The following SLC12A5 variants were observed in gnomAD, a reference collection of about 807,000 sequenced individuals.
SLC12A5 encodes K-Cl cotransporter 2.
In SLC12A5, 18 loss-of-function variants were observed where a neutral mutation model predicts 124.0. The ratio of observed to expected loss-of-function variants is 0.15; its 90% CI spans 0.10 to 0.22. SLC12A5 has a LOEUF of 0.22. Ranked by LOEUF, SLC12A5 falls within the 10% of genes least tolerant of loss-of-function variation. The pLI is 1.00. For synonymous variants in SLC12A5, 589 were observed against 568.0 expected, an observed-to-expected ratio of 1.04 and a Z score of -0.53; for missense variants, 867 against 1,478.7, an observed-to-expected ratio of 0.59 and a Z score of 6.78.
rs2084561893 is a variant in SLC12A5 at position 46,043,067 on chromosome 20, G to T, written c.1067-86G>T. On this transcript the variant is annotated intron_variant, in intron 8 of 25. Transcript: ENST00000243964. ...GTGAGATGGGGTTGATCTTGACCCT[G>T]ACTTTTTGCCCCCTCCCACCTCCTG... 4 of 1,356,812 alleles carry T rather than the reference G, an allele frequency of 2.9e-6. No homozygotes were observed. The South Asian group carries it at 5.2e-5, about 18-fold the overall frequency. 84.0% of individuals were successfully genotyped at this position (1,356,812 alleles called of 1,614,324 possible).
chr20:46,031,563 G>A (rs2084449489), intron 1 of SLC12A5, among the ~76,000 whole-genome samples: 1 of 152,202 alleles, frequency 6.6e-6, no homozygotes, highest in Admixed American at 6.5e-5. Context: ...GAGCAAGAGG[G>A]CACTTCTGGA....
In SLC12A5 at chr20:46,053,118, C is replaced by T; in HGVS notation, c.2539C>T (p.His847Tyr). The change falls in exon 19 of 26, where the codon CAC becomes TAC. Residue 847 changes from histidine (H) to tyrosine (Y), a missense_variant. Physicochemically the swap from His to Tyr is moderately conservative, Grantham distance 83. Around this residue, in one of 9 missense-constraint regions of SLC12A5, gnomAD observed 70 missense variants for 157.2 expected, o/e 0.45. Transcript: ENST00000243964. The surrounding 1 kb of genome is among the most constrained non-coding windows in gnomAD (Gnocchi z 4.7). ...MLMLLPFLLR[H>Y]HKVWRKCKMR... ...CATGCTGCTGCCCTTCCTGCTGCGG[C>T]ACCACAAGGTGAGTTGTGTGCGTGA... is the stretch of plus-strand genomic sequence containing the variant. The T allele has an allele frequency of 6.2e-7, 1 of 1,609,758 alleles. No homozygotes were observed. Among genetic ancestry groups the T allele is most frequent in the Non-Finnish European group, 8.5e-7 (1 of 1,176,324 alleles).
At chr20:46,046,949 G>A (rs940073402) in intron 14 of SLC12A5, among the ~76,000 whole-genome samples, 2 of 152,296 alleles carry the variant, frequency 1.3e-5, no homozygotes, top group Non-Finnish European at 2.9e-5. Context: ...ATAGGCCCTC[G>A]GGGGCAGACA....
intron 4 of SLC12A5, chr20:46,036,220 A>G: frequency 3.0e-6 from 1 of 334,396 alleles, no homozygotes; most frequent in East Asian, 4.8e-5. Flanking sequence ...TAATCTTACA[A>G]TAGTTAACAT....
chr20:46,056,849 ACT>A lies in SLC12A5; in HGVS notation c.3111-45_3111-44del. On this transcript the variant is annotated intron_variant, in intron 23 of 25. Coordinates refer to ENST00000243964, the MANE Select transcript of SLC12A5 (RefSeq NM_020708.5). The surrounding 1 kb of genome is among the most constrained non-coding windows in gnomAD (Gnocchi z 4.3). ...CCCCCAGTGTCTTCCTCTTTTTCTG[ACT>A]CTGCTCTTTTTCTTTCTCTCTTTGC... The A allele has an allele frequency of 6.3e-7, 1 of 1,592,716 alleles. No homozygotes were observed. The highest frequency in any genetic ancestry group is 8.6e-7 in the Non-Finnish European group (1 of 1,161,510).
chr20:46,043,561 G>A (rs1294940225), intron 9 of SLC12A5, 72 bp from the exon 10 acceptor site: 28 of 1,487,810 alleles, frequency 1.9e-5, no homozygotes, highest in Non-Finnish European at 2.4e-5. Flanking sequence ...CCTGAGGGTG[G>A]TGCCCTTTTT....
In SLC12A5 at chr20:46,037,285, C is replaced by G; in HGVS notation, c.512C>G (p.Ser171Cys). 6.2e-7 allele frequency: 1 copy of G among 1,610,480 alleles called. No homozygotes were observed. The highest frequency in any genetic ancestry group is 8.5e-7 in the Non-Finnish European group (1 of 1,178,226). ...AGGSYYMISR[S>C]LGPEFGGAVG... ...GGCTCCTACTACATGATTTCCAGGT[C>G]TCTGGGCCCAGAGTTTGGGGGTGCC... The change falls in exon 6 of 26, where the codon TCT (serine) becomes TGT (cysteine). Residue 171 changes from serine (S) to cysteine (C), a missense_variant. Ser to Cys is a moderately radical substitution (Grantham distance 112). Coordinates refer to ENST00000243964, the MANE Select transcript of SLC12A5 (RefSeq NM_020708.5).
chr20:46,028,274 G>C (rs892415986), upstream of SLC12A5, among the ~76,000 whole-genome samples: 4 of 152,128 alleles, frequency 2.6e-5, no homozygotes, highest in Non-Finnish European at 5.9e-5. Flanking sequence ...GCCTCATTCC[G>C]CCCTCCCCCA....
chr20:46,039,816 A>C (rs903630138), intron 6 of SLC12A5, among the ~76,000 whole-genome samples: 14 of 151,998 alleles, frequency 9.2e-5, no homozygotes, highest in Admixed American at 9.2e-4. Context: ...TAAAAAACCA[A>C]CAACAACAAT....
At chr20:46,027,149 A>C (rs1200842592), upstream of SLC12A5, among the ~76,000 whole-genome samples, 4 of 152,270 alleles carry the variant, frequency 2.6e-5, no homozygotes, top group Non-Finnish European at 2.9e-5. Context: ...CATGCTTAAA[A>C]ATTTTTGAAC....
Position 46,058,591 on chromosome 20 carries a change from C to A in SLC12A5, c.*986C>A. ...GAGGCCCGCGCCCCACCGAGGAAGC[C>A]CCGCCCCGGTGCCTTCGCTGGGGAG... On this transcript the variant is annotated 3_prime_UTR_variant, in exon 26 of 26. Transcript: ENST00000243964. The surrounding 1 kb of genome is among the most constrained non-coding windows in gnomAD (Gnocchi z 5.8). 3 of 399,226 alleles carry A rather than the reference C, an allele frequency of 7.5e-6. No individual in the cohort carries two copies. Among genetic ancestry groups the A allele is most frequent in the African/African-American group, 2.1e-5 (1 of 48,754 alleles). 24.7% of individuals were successfully genotyped at this position (399,226 alleles called of 1,614,324 possible).
At chr20:46,025,978 C>T (rs879688621), upstream of SLC12A5, among the ~76,000 whole-genome samples, 23 of 152,120 alleles carry the variant, frequency 1.5e-4, no homozygotes, top group Admixed American at 1.4e-3. Flanking sequence ...GGACCCAGTC[C>T]GGTGGCTCTA....
chr20:46,041,586 T>G, intron 8 of SLC12A5, 46 bp downstream of exon 8: 1 of 1,603,696 alleles, frequency 6.2e-7, no homozygotes, highest in African/African-American at 1.3e-5. Flanking sequence ...GCTGCAGGGA[T>G]TGTAGGTTAA....
chr20:46,054,924 C>A lies in SLC12A5; in HGVS notation c.2688C>A (p.Ser896Arg). ...CCTCTGTCTGCCCACAGCATGAGAG[C>A]GACATCTCAGCTTACACCTATGAGA... is the stretch of plus-strand genomic sequence containing the variant. Reference protein sequence around the residue: ...AEVEVVEMHESDISAYTYEKT... With the variant: ...AEVEVVEMHERDISAYTYEKT... The change falls in exon 21 of 26, where the codon AGC (serine) becomes AGA (arginine). Residue 896 changes from serine (S) to arginine (R), a missense_variant. Ser to Arg is a moderately radical substitution (Grantham distance 110). Transcript: ENST00000243964. The A allele has an allele frequency of 6.2e-7, 1 of 1,613,408 alleles. No individual in the cohort carries two copies. Among genetic ancestry groups the A allele is most frequent in the Non-Finnish European group, 8.5e-7 (1 of 1,179,538 alleles).
At chr20:46,036,049 TGA>T in intron 4 of SLC12A5, 126 bp downstream of exon 4, 1 of 1,223,070 alleles carries the variant, frequency 8.2e-7, no homozygotes, top group Non-Finnish European at 1.1e-6. Context: ...TTATGATCTT[TGA>T]GAGTAAATTA....
intron 17 of SLC12A5, among the ~76,000 whole-genome samples, chr20:46,051,309 G>C (rs990204765): frequency 1.3e-5 from 2 of 152,224 alleles, no homozygotes; most frequent in African/African-American, 4.8e-5. Flanking sequence ...TGGTCTGGGT[G>C]GGGGTGGTAT....
rs765260899 is a variant in SLC12A5 at position 46,056,931 on chromosome 20, T to C, written c.3125+20T>C. The C allele has an allele frequency of 2.4e-5, 39 of 1,614,040 alleles. No homozygotes were observed. The highest frequency in any genetic ancestry group is 3.1e-5 in the Non-Finnish European group (36 of 1,180,028). On this transcript the variant is annotated intron_variant, in intron 24 of 25. Transcript: ENST00000243964. The surrounding 1 kb of genome is among the most constrained non-coding windows in gnomAD (Gnocchi z 4.3). ...GAACTTGTAAGTGCTTCAGCATTTT[T>C]TCATTCTCTCTCCTAGGATGGCCAG...
intron 16 of SLC12A5, among the ~76,000 whole-genome samples, chr20:46,048,593 C>T (rs1443663418): frequency 6.6e-6 from 1 of 152,016 alleles, no homozygotes; most frequent in South Asian, 2.1e-4. Flanking sequence ...TCAGGGATGC[C>T]GAGCGCGGTG....
chr20:46,056,647 C>T lies in SLC12A5; in HGVS notation c.3110+83C>T. 4 of 1,432,124 alleles carry T rather than the reference C, an allele frequency of 2.8e-6. No individual in the cohort carries two copies. The highest frequency in any genetic ancestry group is 2.6e-5 in the South Asian group (2 of 76,024). 88.7% of individuals were successfully genotyped at this position (1,432,124 alleles called of 1,614,324 possible). On this transcript the variant is annotated intron_variant, in intron 23 of 25. Coordinates refer to ENST00000243964, the MANE Select transcript of SLC12A5 (RefSeq NM_020708.5). The surrounding 1 kb of genome is among the most constrained non-coding windows in gnomAD (Gnocchi z 4.3). ...CATGGCAGAGCAAGAGAGCAGAAGGCATCCTGGTCTGTCAGCCTGCAGACC... is the reference window on the plus strand; with the variant it reads ...CATGGCAGAGCAAGAGAGCAGAAGGTATCCTGGTCTGTCAGCCTGCAGACC...
Sources: gnomAD v4.1 joint callset for allele counts (sites outside exome capture counted in the v4.1 genomes callset) on GRCh38, gnomAD v4.1.1 for gene constraint, gnomAD v4.1.1 regional missense constraint, Gnocchi (gnomAD v3.1) non-coding constraint, MANE v1.5 for transcripts, NCBI Gene and HGNC (gene_info 2026-07-23, HGNC 2026-07-21) for gene names.